Variants in SMARCA1 observed in about 807,000 individuals in gnomAD.
The protein encoded by SMARCA1 is SNF2 related chromatin remodeling ATPase 1, also known as SWI/SNF-related matrix-associated actin-dependent regulator of chromatin subfamily A member 1.
A neutral mutation model predicts 93.6 loss-of-function variants in SMARCA1; 17 were observed. The observed-to-expected ratio is 0.18, with a 90% CI of 0.12 to 0.27. The LOEUF is 0.27. Among genes scored for constraint, SMARCA1 ranks in the 10% least tolerant of loss-of-function variants. The pLI is 1.00. For missense variants in SMARCA1, 630 were observed against 819.0 expected, an observed-to-expected ratio of 0.77 and a Z score of 2.82; for synonymous variants, 271 against 271.4, an observed-to-expected ratio of 1.00 and a Z score of 0.01.
At chrX:129,472,522 T>G (rs1321579685) in intron 19 of SMARCA1, among the ~76,000 whole-genome samples, 1 of 111,788 alleles carries the variant, frequency 8.9e-6, no homozygotes, top group African/African-American at 3.3e-5. Context: ...GTACAATAGT[T>G]CTTCAGGTAT....
At chrX:129,462,684 A>G (rs1169664916) in intron 23 of SMARCA1, among the ~76,000 whole-genome samples, 1 of 111,695 alleles carries the variant, frequency 9.0e-6, no homozygotes, top group East Asian at 2.8e-4. Flanking sequence ...ATGTTTCTGA[A>G]GATTGTTCAG....
intron 7 of SMARCA1, among the ~76,000 whole-genome samples, chrX:129,506,470 T>A (rs941846387): frequency 1.8e-5 from 2 of 109,827 alleles, no homozygotes; most frequent in Admixed American, 1.9e-4. Flanking sequence ...GTGGATCACC[T>A]CAGGTCTGGG....
chrX:129,465,993 T>C, intron 21 of SMARCA1, 31 bp from the exon 22 acceptor site: 1 of 753,402 alleles, frequency 1.3e-6, no homozygotes, highest in Non-Finnish European at 2.0e-6. Context: ...TTTAAAATCC[T>C]ATCATTTAAG....
chrX:129,481,752 C>A (rs1432655833), intron 17 of SMARCA1, among the ~76,000 whole-genome samples: 2 of 111,641 alleles, frequency 1.8e-5, no homozygotes, highest in African/African-American at 3.3e-5. Flanking sequence ...ACTAGTTCAA[C>A]CCTTGTGGAA....
intron 21 of SMARCA1, among the ~76,000 whole-genome samples, chrX:129,466,950 T>C (rs988982818): frequency 9.0e-6 from 1 of 111,232 alleles, no homozygotes; most frequent in African/African-American, 3.3e-5. Context: ...TGTATTAATA[T>C]GTCACATGAC....
chrX:129,499,006 T>C (rs555858674), intron 10 of SMARCA1, among the ~76,000 whole-genome samples: 26 of 110,323 alleles, frequency 2.4e-4, no homozygotes, highest in South Asian at 3.9e-4. Context: ...ACTAGTAATA[T>C]GGTTATAATT....
Position 129,499,775 on chromosome X carries a change from C to T in SMARCA1, c.1234G>A (p.Glu412Lys). Reference protein sequence around the residue: ...DVEKSLPPKKEIKIYLGLSKM... With the variant: ...DVEKSLPPKKKIKIYLGLSKM... ...CTCAGCCCCAAGTAAATCTTTATTT[C>T]CTTTTTAGGTGGCAGACTCTTCTCT... The change falls in exon 10 of 25, where the codon GAA (glutamate) becomes AAA (lysine). Residue 412 changes from glutamate to lysine, a missense_variant. Physicochemically the swap from Glu to Lys is moderately conservative, Grantham distance 56. Coordinates refer to ENST00000371121, the MANE Select transcript of SMARCA1 (RefSeq NM_001282874.2). 1 of 1,187,631 alleles carries T rather than the reference C, an allele frequency of 8.4e-7. No homozygotes were observed. Among genetic ancestry groups the T allele is most frequent in the Non-Finnish European group, 1.1e-6 (1 of 876,304 alleles).
At chrX:129,486,276 A>C (rs1933879101) in intron 17 of SMARCA1, among the ~76,000 whole-genome samples, 1 of 110,852 alleles carries the variant, frequency 9.0e-6, no homozygotes, top group African/African-American at 3.3e-5. Context: ...AACTGGTGTT[A>C]ATTTCCTGGT....
intron 23 of SMARCA1, among the ~76,000 whole-genome samples, chrX:129,461,657 T>C (rs1293878378): frequency 8.9e-6 from 1 of 112,073 alleles, no homozygotes; most frequent in Non-Finnish European, 1.9e-5. Context: ...CTTATGGTTA[T>C]TTGATAAGGG....
intron 23 of SMARCA1, among the ~76,000 whole-genome samples, chrX:129,454,207 A>C (rs1213488402): frequency 3.6e-5 from 4 of 112,443 alleles, no homozygotes; most frequent in African/African-American, 1.3e-4. Flanking sequence ...TTCCCTATTT[A>C]ATAAATGGTG....
intron 17 of SMARCA1, among the ~76,000 whole-genome samples, chrX:129,485,775 A>C (rs1933863393): frequency 9.0e-6 from 1 of 111,128 alleles, no homozygotes; most frequent in African/African-American, 3.3e-5. Context: ...CAAAGAGCCT[A>C]GCATTTCCCT....
At chrX:129,497,318 C>G (rs1483949048) in intron 11 of SMARCA1, among the ~76,000 whole-genome samples, 1 of 111,071 alleles carries the variant, frequency 9.0e-6, no homozygotes, top group Non-Finnish European at 1.9e-5. Flanking sequence ...ACAGCCAAGT[C>G]TTCTCTGACA....
intron 12 of SMARCA1, among the ~76,000 whole-genome samples, chrX:129,495,908 G>A (rs756875184): frequency 7.5e-4 from 79 of 105,389 alleles, no homozygotes; most frequent in African/African-American, 2.4e-3. Context: ...GAGTAGCTGG[G>A]ATTATAGACG....
intron 17 of SMARCA1, among the ~76,000 whole-genome samples, chrX:129,484,405 A>G (rs1173888899): frequency 8.9e-6 from 1 of 111,882 alleles, no homozygotes; most frequent in Non-Finnish European, 1.9e-5. Flanking sequence ...TGAAGATTAG[A>G]GATAGGACAA....
chrX:129,468,730 A>G, intron 21 of SMARCA1, 43 bp downstream of exon 21: 1 of 986,553 alleles, frequency 1.0e-6, no homozygotes, highest in South Asian at 2.5e-5. Context: ...AAATAAATGA[A>G]TAACGTTAAA....
At chrX:129,497,261 T>C (rs1445964087) in intron 11 of SMARCA1, among the ~76,000 whole-genome samples, 3 of 111,036 alleles carry the variant, frequency 2.7e-5, no homozygotes, top group Non-Finnish European at 5.7e-5. Flanking sequence ...GCTTTCAAGG[T>C]TCTCTTCCTA....
chrX:129,500,030 C>A (rs746917476), intron 9 of SMARCA1, among the ~76,000 whole-genome samples, 189 bp from the exon 10 acceptor site: 5 of 108,544 alleles, frequency 4.6e-5, no homozygotes, highest in Non-Finnish European at 9.5e-5. Flanking sequence ...GAATAGGGGA[C>A]CTAAAGTAGG....
intron 1 of SMARCA1, among the ~76,000 whole-genome samples, chrX:129,521,519 T>C (rs1048792036): frequency 4.5e-5 from 5 of 112,140 alleles, no homozygotes; most frequent in African/African-American, 1.6e-4. Flanking sequence ...TTGACAAATA[T>C]GTAGGCATCA....
At chrX:129,475,514 G>A (rs1430565326) in intron 19 of SMARCA1, among the ~76,000 whole-genome samples, 1 of 110,533 alleles carries the variant, frequency 9.0e-6, no homozygotes, top group East Asian at 2.8e-4. Context: ...GTGAGACTCC[G>A]TCTCAAAAGA....
Sources: allele counts gnomAD v4.1 joint callset (sites outside exome capture counted in the v4.1 genomes callset), GRCh38; gene constraint gnomAD v4.1.1; transcripts MANE v1.5; gene names NCBI Gene and HGNC (gene_info 2026-07-23, HGNC 2026-07-21).